NCOA7: variants seen among roughly 807,000 people sequenced by gnomAD.
NCOA7 encodes 140 kDa estrogen receptor-associated protein.
NCOA7 carries 45 observed loss-of-function variants against 104.3 expected under a neutral mutation model. The ratio of observed to expected loss-of-function variants is 0.43; its 90% CI spans 0.34 to 0.55. NCOA7 has a LOEUF of 0.55. Among genes scored for constraint, NCOA7 ranks in the 20% least tolerant of loss-of-function variants. The pLI, the probability that NCOA7 is intolerant of heterozygous loss-of-function variation, is 0.02. For synonymous variants in NCOA7, 398 were observed against 402.3 expected (o/e 0.99, Z 0.13); for missense variants, 1,041 against 1,119.7 (o/e 0.93, Z 1.00).
intron 2 of NCOA7, among the ~76,000 whole-genome samples, chr6:125,824,868 C>G (rs1778520093): frequency 1.3e-5 from 2 of 152,138 alleles, no homozygotes; most frequent in South Asian, 4.1e-4. Flanking sequence ...ACGCCATTCT[C>G]CTGCCTCAGC....
intron 11 of NCOA7, among the ~76,000 whole-genome samples, chr6:125,917,888 C>T (rs1374012154): frequency 5.3e-5 from 8 of 152,166 alleles, no homozygotes; most frequent in African/African-American, 1.4e-4. Flanking sequence ...ATGCCTTGTG[C>T]GCAGTAAATC....
chr6:125,860,596 C>T lies in NCOA7; in HGVS notation c.271+5356C>T, dbSNP rs139312873. Among the ~76,000 whole-genome samples the T allele has an allele frequency of 7.9e-3, 1,208 of 152,334 alleles. 6 individuals carry two copies. The highest frequency in any genetic ancestry group is 0.012 in the Non-Finnish European group (814 of 68,030). On this transcript the variant is annotated intron_variant, in intron 3 of 15. Coordinates refer to ENST00000392477, the MANE Select transcript of NCOA7 (RefSeq NM_181782.5). ...CTCCTGGCCTCAAGTGATCCACCCA[C>T]CTCGGCCTCCCCAAGTGCTGGGATT...
chr6:125,852,182 G>C (rs535916626), intron 2 of NCOA7, among the ~76,000 whole-genome samples: 2 of 151,630 alleles, frequency 1.3e-5, no homozygotes, highest in Non-Finnish European at 2.9e-5. Context: ...GCCAATGTCC[G>C]GAAGAGTTTT....
intron 2 of NCOA7, chr6:125,818,982 A>G (rs975923810): frequency 2.6e-5 from 4 of 152,230 alleles, no homozygotes; most frequent in Non-Finnish European, 5.9e-5. Context: ...ATAAATCTCA[A>G]CTGGTGTTCT....
chr6:125,892,929 T>C (rs946623915), intron 10 of NCOA7, among the ~76,000 whole-genome samples: 8 of 152,220 alleles, frequency 5.3e-5, no homozygotes, highest in Non-Finnish European at 7.3e-5. Flanking sequence ...TGTGTTTCCA[T>C]GTCTACCTCC....
intron 1 of NCOA7, among the ~76,000 whole-genome samples, chr6:125,798,820 G>A (rs1775591762): frequency 6.6e-6 from 1 of 152,020 alleles, no homozygotes. Flanking sequence ...TTACAATTAT[G>A]TATCATCCGA....
intron 1 of NCOA7, among the ~76,000 whole-genome samples, chr6:125,814,309 C>G (rs1163140465): frequency 6.6e-6 from 1 of 152,196 alleles, no homozygotes; most frequent in African/African-American, 2.4e-5. Flanking sequence ...CGTGCACCAC[C>G]ATGCCTGTCT....
rs536610687 is a variant in NCOA7 at position 125,917,693 on chromosome 6, T to C, written c.2244+2213T>C. Among the ~76,000 whole-genome samples, 3 of 152,296 alleles carry C rather than the reference T, an allele frequency of 2.0e-5. No individual in the cohort carries two copies. In the South Asian group the frequency reaches 6.2e-4, roughly 32 times the overall value. ...ACAGTAGGATCTGTGTCCTGCACTT[T>C]TTCCAAAGAGGGTTTTGAGGGCTTC... On this transcript the variant is annotated intron_variant, in intron 11 of 15. Transcript: ENST00000392477.
intron 3 of NCOA7, among the ~76,000 whole-genome samples, chr6:125,869,805 G>A: frequency 6.6e-6 from 1 of 152,210 alleles, no homozygotes; most frequent in Non-Finnish European, 1.5e-5. Flanking sequence ...ACTTCCAAGA[G>A]AGAGAAAAGG....
intron 2 of NCOA7, among the ~76,000 whole-genome samples, chr6:125,849,980 G>A (rs1207034385): frequency 2.0e-5 from 3 of 152,102 alleles, no homozygotes. Flanking sequence ...TCATTTTTCT[G>A]CAAGACCAAT....
intron 3 of NCOA7, among the ~76,000 whole-genome samples, chr6:125,872,052 C>T (rs551101966): frequency 4.6e-5 from 7 of 150,738 alleles, no homozygotes; most frequent in South Asian, 2.1e-4. Context: ...TGCATCATCA[C>T]GGTCTTTACC....
At chr6:125,808,043 G>A (rs1424450404) in intron 1 of NCOA7, among the ~76,000 whole-genome samples, 3 of 152,184 alleles carry the variant, frequency 2.0e-5, no homozygotes, top group Non-Finnish European at 4.4e-5. Context: ...TAGAATAGCA[G>A]CTATGTCAGG....
chr6:125,830,714 A>G lies in NCOA7; in HGVS notation c.50+15310A>G, dbSNP rs1045508729. On this transcript the variant is annotated intron_variant, in intron 2 of 15. Coordinates refer to ENST00000392477, the MANE Select transcript of NCOA7 (RefSeq NM_181782.5). ...AAAGTGAGGCCCTGTGTCTCTCTCT[A>G]TATATTTTATATATATATATATATG... is the stretch of plus-strand genomic sequence containing the variant. 2.8e-5 allele frequency among the ~76,000 whole-genome samples: 4 copies of G among 143,474 alleles called. No homozygotes were observed. In the East Asian group the frequency reaches 6.3e-4, roughly 23 times the overall value. The allele number at this position is 143,474 out of a possible 152,430, so 94.1% of individuals were successfully genotyped here.
chr6:125,880,840 C>A (rs1420174242), intron 5 of NCOA7, among the ~76,000 whole-genome samples: 1 of 152,060 alleles, frequency 6.6e-6, no homozygotes. Flanking sequence ...CCTTGCTCTC[C>A]CTTTCTTTTT....
At chr6:125,873,160 G>A (rs1347180257) in intron 3 of NCOA7, among the ~76,000 whole-genome samples, 2 of 152,134 alleles carry the variant, frequency 1.3e-5, no homozygotes, top group Non-Finnish European at 2.9e-5. Context: ...TTCCGTGTGT[G>A]TGTATGTGTG....
At chr6:125,834,439 G>GA (rs568677696) in intron 2 of NCOA7, among the ~76,000 whole-genome samples, 18 of 152,218 alleles carry the variant, frequency 1.2e-4, no homozygotes, top group Non-Finnish European at 2.4e-4. Flanking sequence ...TTTAGGGATG[G>GA]AAAATATCTT....
At chr6:125,783,173 T>C (rs553373952) in intron 1 of NCOA7, among the ~76,000 whole-genome samples, 20 of 152,340 alleles carry the variant, frequency 1.3e-4, no homozygotes, top group African/African-American at 3.8e-4. Context: ...TGTAAGATAA[T>C]AAATTTGTAT....
intron 10 of NCOA7, among the ~76,000 whole-genome samples, chr6:125,909,392 G>A (rs1786316290): frequency 6.6e-6 from 1 of 152,190 alleles, no homozygotes; most frequent in African/African-American, 2.4e-5. Context: ...GGGTGCCCAG[G>A]AAGTGTTGTC....
intron 10 of NCOA7, among the ~76,000 whole-genome samples, chr6:125,905,010 G>T (rs534350531): frequency 6.6e-6 from 1 of 152,296 alleles, no homozygotes; most frequent in African/African-American, 2.4e-5. Context: ...AGCAGCCAGG[G>T]TGAGTAATTA....
Sources: allele counts gnomAD v4.1 joint callset (sites outside exome capture counted in the v4.1 genomes callset), GRCh38; gene constraint gnomAD v4.1.1; transcripts MANE v1.5; gene names NCBI Gene and HGNC (gene_info 2026-07-23, HGNC 2026-07-21).